DNAH2: variants seen among roughly 807,000 people sequenced by gnomAD.
DNAH2 encodes the protein dynein axonemal heavy chain 2.
A neutral mutation model predicts 523.5 loss-of-function variants in DNAH2; 323 were observed. The observed-to-expected ratio is 0.62, with a 90% CI of 0.56 to 0.68. The LOEUF is 0.68. DNAH2 is among the 30% of genes least tolerant of loss of function. The pLI, the probability that DNAH2 is intolerant of heterozygous loss-of-function variation, is 0.00. For missense variants in DNAH2, 4,907 were observed against 5,701.5 expected (o/e 0.86, Z 4.49); for synonymous variants, 2,093 against 2,177.4 (o/e 0.96, Z 1.08).
In DNAH2 at chr17:7,825,662, G is replaced by A. The variant is rs532804614; in HGVS notation, c.11853+935G>A. On this transcript the variant is annotated intron_variant, in intron 77 of 85. Transcript: ENST00000572933. ...AAAGAGGGGAGGGACCCTTGGTCCT[G>A]GCCCAGCGTTTCTCATTCTACTTTC... Among the ~76,000 whole-genome samples, 11 of 152,346 alleles carry A rather than the reference G, an allele frequency of 7.2e-5. No homozygotes were observed. In the South Asian group the frequency reaches 1.2e-3, roughly 17 times the overall value.
intron 77 of DNAH2, among the ~76,000 whole-genome samples, chr17:7,826,457 T>C (rs1386127662): frequency 6.6e-6 from 1 of 151,826 alleles, no homozygotes. Context: ...AGATATTAAG[T>C]AGGTACAAAA....
At chr17:7,791,151 G>A (rs1235147502) in intron 44 of DNAH2, among the ~76,000 whole-genome samples, 1 of 151,652 alleles carries the variant, frequency 6.6e-6, no homozygotes, top group Admixed American at 6.6e-5. Flanking sequence ...TCGGCTCACT[G>A]CAACCTCCAC....
In DNAH2 at chr17:7,817,379, C is replaced by G; in HGVS notation, c.9984C>G (p.Tyr3328Ter). 1 of 1,613,794 alleles carries G rather than the reference C, an allele frequency of 6.2e-7. No individual in the cohort carries two copies. Among genetic ancestry groups the G allele is most frequent in the Non-Finnish European group, 8.5e-7 (1 of 1,179,950 alleles). ...LSYMGPFLTN[Y>*]RDEIVNQIWI... The stretch of plus-strand genomic sequence containing the variant: ...ACATGGGACCCTTCCTGACCAACTA[C>G]CGGGATGAGATTGTCAACCAAATCT... The change falls in exon 65 of 86, where the codon TAC (tyrosine) becomes TAG (stop). Residue 3328 changes from tyrosine (Y) to a stop codon, truncating the protein, a stop_gained. Transcript: ENST00000572933. LOFTEE classifies it high-confidence loss of function.
rs778202257 is a variant in DNAH2 at position 7,819,415 on chromosome 17, G to T, written c.11015+7G>T. 6.2e-7 allele frequency: 1 copy of T among 1,614,018 alleles called. No individual in the cohort carries two copies. The highest frequency in any genetic ancestry group is 8.5e-7 in the Non-Finnish European group (1 of 1,179,964). Reference sequence around the variant, plus strand: ...ACACCTACGCTGTCTACAGGTCTGAGGGTGCCCCCAACATGCCCCAGCCCG... The same window carrying T: ...ACACCTACGCTGTCTACAGGTCTGATGGTGCCCCCAACATGCCCCAGCCCG... On this transcript the variant is annotated splice_region_variant and intron_variant, in intron 72 of 85. Coordinates refer to ENST00000572933, the MANE Select transcript of DNAH2 (RefSeq NM_020877.5).
chr17:7,817,509 G>A (rs2077707403), intron 65 of DNAH2, 52 bp from the exon 66 acceptor site: 16 of 1,613,468 alleles, frequency 9.9e-6, no homozygotes, highest in African/African-American at 1.3e-5. Context: ...AAGGCGCGGG[G>A]GCTGCTGGGC....
chr17:7,746,993 TAAA>T (rs768828946), intron 12 of DNAH2, among the ~76,000 whole-genome samples: 1 of 100,392 alleles, frequency 1.0e-5, no homozygotes, highest in African/African-American at 3.6e-5. Flanking sequence ...ATCTCAAAAT[TAAA>T]AAAAAAAAAA....
In DNAH2 at chr17:7,743,115, C is replaced by T. The variant is rs761719370; in HGVS notation, c.1877C>T (p.Ala626Val). 7 of 1,577,398 alleles carry T rather than the reference C, an allele frequency of 4.4e-6. No homozygotes were observed. The highest frequency in any genetic ancestry group is 5.1e-6 in the Non-Finnish European group (6 of 1,166,082). Residue 626 changes from alanine (A) to valine (V), a missense_variant, in exon 12 of 86, where the codon GCG becomes GTG. This residue lies in a region of DNAH2 where 2,806 missense variants were observed against 3,190.8 expected (regional missense o/e 0.88). Coordinates refer to ENST00000572933, the MANE Select transcript of DNAH2 (RefSeq NM_020877.5). ...TPLLRISQEK[A>V]GMLDVNFDKS... ...TTGCTGCGAATCAGCCAGGAGAAGG[C>T]GGGCATGCTGGATGTCAACTTTGAC...
intron 48 of DNAH2, among the ~76,000 whole-genome samples, 184 bp downstream of exon 48, chr17:7,793,389 T>C (rs1186962958): frequency 3.3e-5 from 5 of 152,310 alleles, no homozygotes; most frequent in Non-Finnish European, 5.9e-5. Flanking sequence ...CCCTCAGTCC[T>C]GGCTCCTTCG....
In DNAH2 at chr17:7,799,123, C is replaced by T. The variant is rs778904123; in HGVS notation, c.8580C>T (p.Asp2860=). ...TCCAGATCCAGTCGCATATCATAGA[C>T]CAGGCCCGGGTGGAGCAGGTGCCTG... The part of the protein sequence containing the change: ...EFEEIQSHII[D]QARVEQVPES... Residue 2860 remains aspartate, a synonymous_variant, in exon 56 of 86, where the codon GAC becomes GAT. Transcript: ENST00000572933. 1.2e-6 allele frequency: 2 copies of T among 1,614,198 alleles called. No individual in the cohort carries two copies. Among genetic ancestry groups the T allele is most frequent in the Admixed American group, 1.7e-5 (1 of 60,028 alleles).
intron 27 of DNAH2, 34 bp downstream of exon 27, chr17:7,770,967 C>G (rs1176050174): frequency 6.2e-7 from 1 of 1,603,322 alleles, no homozygotes; most frequent in Non-Finnish European, 8.5e-7. Context: ...TTCCTGCTTC[C>G]TGCTCTTACT....
At chr17:7,758,166 A>C (rs552821037) in intron 13 of DNAH2, among the ~76,000 whole-genome samples, 1 of 152,306 alleles carries the variant, frequency 6.6e-6, no homozygotes, top group African/African-American at 2.4e-5. Flanking sequence ...AAACTTAAAA[A>C]TTTGATTACT....
intron 42 of DNAH2, chr17:7,787,458 G>A (rs2076771609): frequency 3.9e-6 from 1 of 253,678 alleles, no homozygotes; most frequent in Non-Finnish European, 7.6e-6. Flanking sequence ...AACTGGGCCG[G>A]GCCGGGTGGC....
chr17:7,775,208 G>C (rs1447988586), intron 29 of DNAH2, 33 bp from the exon 30 acceptor site: 9 of 1,599,950 alleles, frequency 5.6e-6, no homozygotes, highest in Non-Finnish European at 7.7e-6. Flanking sequence ...AGGGTGGGCA[G>C]GCCAGGCTCT....
chr17:7,766,612 A>G, intron 22 of DNAH2, 131 bp downstream of exon 22: 1 of 455,402 alleles, frequency 2.2e-6, no homozygotes, highest in South Asian at 3.6e-5. Flanking sequence ...GTTTCAGTTG[A>G]GGTAAAATTC....
intron 12 of DNAH2, among the ~76,000 whole-genome samples, chr17:7,756,591 A>G (rs1004244118): frequency 3.3e-5 from 5 of 152,106 alleles, no homozygotes; most frequent in Non-Finnish European, 5.9e-5. Context: ...ATTCATTTTA[A>G]TACTTGATCC....
In DNAH2 at chr17:7,832,234, G is replaced by A. The variant is rs1001468622; in HGVS notation, c.12727-345G>A. On this transcript the variant is annotated intron_variant, in intron 82 of 85. Coordinates refer to ENST00000572933, the MANE Select transcript of DNAH2 (RefSeq NM_020877.5). The surrounding 1 kb of genome is among the most constrained non-coding windows in gnomAD (Gnocchi z 4.3). ...CTCAAAATAAGGATTTGGGCTGGACGCGGTGGCTCATGCCTGCAATCTCAG... is the reference window on the plus strand; with the variant it reads ...CTCAAAATAAGGATTTGGGCTGGACACGGTGGCTCATGCCTGCAATCTCAG... 2.6e-5 allele frequency among the ~76,000 whole-genome samples: 4 copies of A among 152,138 alleles called. No homozygotes were observed. The highest frequency in any genetic ancestry group is 7.2e-5 in the African/African-American group (3 of 41,416).
At chr17:7,819,896 C>A (rs1228304722) in intron 72 of DNAH2, among the ~76,000 whole-genome samples, 1 of 152,196 alleles carries the variant, frequency 6.6e-6, no homozygotes, top group African/African-American at 2.4e-5. Context: ...CCTCTTCCTT[C>A]AGGGTCCTCA....
chr17:7,810,534 G>A (rs992999991), intron 63 of DNAH2, among the ~76,000 whole-genome samples: 2 of 151,998 alleles, frequency 1.3e-5, no homozygotes, highest in East Asian at 1.9e-4. Flanking sequence ...GATTACAGGC[G>A]TCTGCCACCA....
chr17:7,777,682 A>G (rs368525288), intron 33 of DNAH2, 48 bp downstream of exon 33: 6 of 1,604,276 alleles, frequency 3.7e-6, no homozygotes, highest in Non-Finnish European at 5.1e-6. Context: ...AATGGATCCT[A>G]ATGCTTTTAT....
Sources: allele counts gnomAD v4.1 joint callset (sites outside exome capture counted in the v4.1 genomes callset), GRCh38; gene constraint gnomAD v4.1.1; regional missense constraint gnomAD v4.1.1; non-coding constraint Gnocchi (gnomAD v3.1); transcripts MANE v1.5; gene names NCBI Gene and HGNC (gene_info 2026-07-23, HGNC 2026-07-21).